DCAF6: variants seen among roughly 807,000 people sequenced by gnomAD.
DCAF6 encodes DDB1 and CUL4 associated factor 6, also known as DDB1- and CUL4-associated factor 6.
A neutral mutation model predicts 125.1 loss-of-function variants in DCAF6; 54 were observed. The observed-to-expected ratio is 0.43, with a 90% confidence interval of 0.35 to 0.54. DCAF6 has a LOEUF of 0.54. Ranked by LOEUF, DCAF6 falls within the 20% of genes least tolerant of loss-of-function variation. The pLI, the probability that DCAF6 is intolerant of heterozygous loss-of-function variation, is 0.01. For missense variants in DCAF6, 934 were observed against 1,161.7 expected (o/e 0.80, Z 2.85); for synonymous variants, 371 against 390.4 (o/e 0.95, Z 0.58).
chr1:168,015,298 CT>C (rs1345813711), intron 10 of DCAF6, among the ~76,000 whole-genome samples: 4 of 152,066 alleles, frequency 2.6e-5, no homozygotes, highest in Non-Finnish European at 5.9e-5. Flanking sequence ...ATATAACTCA[CT>C]TTTTTAGAGC....
the DCAF6 span, among the ~76,000 whole-genome samples, chr1:167,868,523 A>G: frequency 1.3e-5 from 2 of 152,212 alleles, no homozygotes; most frequent in Non-Finnish European, 2.9e-5. Flanking sequence ...CCAAAGTTGC[A>G]GACCGTTTAA....
chr1:167,995,956 A>G (rs1397669116), intron 7 of DCAF6, among the ~76,000 whole-genome samples: 1 of 152,062 alleles, frequency 6.6e-6, no homozygotes, highest in African/African-American at 2.4e-5. Context: ...TAGAGGTACA[A>G]GTAAATAAAT....
At chr1:167,872,881 C>T in the DCAF6 span, among the ~76,000 whole-genome samples, 1 of 151,124 alleles carries the variant, frequency 6.6e-6, no homozygotes, top group Non-Finnish European at 1.5e-5. Flanking sequence ...ACCAGCCTGG[C>T]CAATATGGTG....
chr1:168,008,891 T>TCCC (rs569884809), intron 10 of DCAF6, among the ~76,000 whole-genome samples: 1 of 50,182 alleles, frequency 2.0e-5, no homozygotes, highest in African/African-American at 6.9e-5. Context: ...CCCCCTCCCC[T>TCCC]CCCCCCTCCC....
intron 17 of DCAF6, among the ~76,000 whole-genome samples, chr1:168,060,196 T>A (rs566064442): frequency 3.7e-4 from 56 of 152,276 alleles, no homozygotes; most frequent in African/African-American, 1.3e-3. Flanking sequence ...TGGTTTTTGT[T>A]GTTGTTTTAA....
the DCAF6 span, among the ~76,000 whole-genome samples, chr1:167,894,333 T>C: frequency 6.6e-6 from 1 of 152,104 alleles, no homozygotes; most frequent in Non-Finnish European, 1.5e-5. Flanking sequence ...GCAGCAGGAA[T>C]AACATTAAGA....
At chr1:167,866,830 G>A in the DCAF6 span, among the ~76,000 whole-genome samples, 4 of 151,684 alleles carry the variant, frequency 2.6e-5, no homozygotes, top group African/African-American at 9.7e-5. Context: ...TAGGGCTCTG[G>A]CCAAGGCCAG....
the DCAF6 span, among the ~76,000 whole-genome samples, chr1:167,868,551 C>T: frequency 6.6e-6 from 1 of 152,128 alleles, no homozygotes; most frequent in East Asian, 1.9e-4. Context: ...CAGAATTCCA[C>T]CGGGACTAGA....
chr1:167,933,000 C>T (rs1557857215), upstream of DCAF6, among the ~76,000 whole-genome samples: 1 of 151,820 alleles, frequency 6.6e-6, no homozygotes, highest in Non-Finnish European at 1.5e-5. Context: ...AGGAACTTGA[C>T]CAGGACACAC....
At chr1:167,876,088 C>T in the DCAF6 span, among the ~76,000 whole-genome samples, 1 of 151,964 alleles carries the variant, frequency 6.6e-6, no homozygotes, top group African/African-American at 2.4e-5. Flanking sequence ...GAAAACCTGT[C>T]TCTACTAAAA....
In DCAF6 at chr1:168,002,542, A is replaced by G; in HGVS notation, c.964A>G (p.Arg322Gly). 1 of 1,613,128 alleles carries G rather than the reference A, an allele frequency of 6.2e-7. No homozygotes were observed. Among genetic ancestry groups the G allele is most frequent in the Non-Finnish European group, 8.5e-7 (1 of 1,179,246 alleles). Reference protein sequence around the residue: ...LRGDWSDTGPRARPESERERD... With the variant: ...LRGDWSDTGPGARPESERERD... Reference sequence around the variant, plus strand: ...TGGTGATTGGTCAGATACTGGACCCAGAGCAAGGCCGGAGAGTGAACGAGA... The same window carrying G: ...TGGTGATTGGTCAGATACTGGACCCGGAGCAAGGCCGGAGAGTGAACGAGA... The change falls in exon 8 of 22, where the codon AGA (arginine) becomes GGA (glycine). Residue 322 changes from arginine (R) to glycine (G), a missense_variant. Transcript: ENST00000367840.
At chr1:167,949,066 G>A (rs149526123) in intron 1 of DCAF6, among the ~76,000 whole-genome samples, 1 of 152,188 alleles carries the variant, frequency 6.6e-6, no homozygotes, top group Non-Finnish European at 1.5e-5. Flanking sequence ...TTTGTGGCAG[G>A]CACTGTATTA....
upstream of DCAF6, among the ~76,000 whole-genome samples, chr1:167,935,043 G>A (rs983188696): frequency 6.6e-6 from 1 of 151,996 alleles, no homozygotes; most frequent in Non-Finnish European, 1.5e-5. Flanking sequence ...CATTCTCATA[G>A]ACCGCGTATT....
intron 10 of DCAF6, among the ~76,000 whole-genome samples, chr1:168,008,521 C>T (rs1557968897): frequency 6.6e-6 from 1 of 152,028 alleles, no homozygotes; most frequent in Non-Finnish European, 1.5e-5. Context: ...CTGCCTGTAC[C>T]TACTGTTGTT....
chr1:167,950,919 T>C (rs1255535195), intron 1 of DCAF6, among the ~76,000 whole-genome samples: 2 of 152,244 alleles, frequency 1.3e-5, no homozygotes, highest in African/African-American at 4.8e-5. Flanking sequence ...ATTTCATCAT[T>C]GTAATGTTAA....
At chr1:168,074,324 A>G (rs1693541514) in intron 21 of DCAF6, among the ~76,000 whole-genome samples, 1 of 151,984 alleles carries the variant, frequency 6.6e-6, no homozygotes. Context: ...TGTTTTCCTT[A>G]TGCTTAACCT....
the DCAF6 span, among the ~76,000 whole-genome samples, chr1:167,912,123 C>A: frequency 6.6e-6 from 1 of 152,216 alleles, no homozygotes; most frequent in Non-Finnish European, 1.5e-5. Flanking sequence ...TTTCTACAGG[C>A]ACATACCACA....
intron 7 of DCAF6, among the ~76,000 whole-genome samples, chr1:167,995,533 A>T (rs1681522159): frequency 6.6e-6 from 1 of 152,076 alleles, no homozygotes; most frequent in South Asian, 2.1e-4. Flanking sequence ...TACAAAAATT[A>T]GCTGGGCTTG....
At chr1:167,902,389 T>C in the DCAF6 span, among the ~76,000 whole-genome samples, 1 of 152,210 alleles carries the variant, frequency 6.6e-6, no homozygotes, top group Non-Finnish European at 1.5e-5. Flanking sequence ...TTGATCAATA[T>C]ATGTTATAGG....
Sources: gnomAD v4.1 joint callset for allele counts (sites outside exome capture counted in the v4.1 genomes callset) on GRCh38, gnomAD v4.1.1 for gene constraint, MANE v1.5 for transcripts, NCBI Gene and HGNC (gene_info 2026-07-23, HGNC 2026-07-21) for gene names.